The following KCNK12 variants were observed in gnomAD, a reference collection of about 807,000 sequenced individuals.
KCNK12 encodes potassium two pore domain channel subfamily K member 12, also known as potassium channel subfamily K member 12.
KCNK12 carries 6 observed loss-of-function variants against 25.3 expected under a neutral mutation model. The ratio of observed to expected loss-of-function variants is 0.24; its 90% CI spans 0.13 to 0.47. The LOEUF (loss-of-function observed/expected upper bound fraction) is 0.47, where lower values mean the gene tolerates loss of function less well. Among genes scored for constraint, KCNK12 ranks in the 20% least tolerant of loss-of-function variants. The pLI is 0.99. For missense variants in KCNK12, 444 were observed against 661.7 expected (o/e 0.67, Z 3.61); for synonymous variants, 331 against 311.1 (o/e 1.06, Z -0.67).
chr2:47,524,012 GTC>G (rs1220895635), intron 1 of KCNK12, among the ~76,000 whole-genome samples: 2 of 152,320 alleles, frequency 1.3e-5, no homozygotes, highest in Admixed American at 1.3e-4. Context: ...TTTCTAGACT[GTC>G]TGAAGGAAAT....
intron 1 of KCNK12, among the ~76,000 whole-genome samples, chr2:47,567,936 G>A (rs1164356383): frequency 6.6e-6 from 1 of 152,198 alleles, no homozygotes; most frequent in Non-Finnish European, 1.5e-5. Context: ...TGAAAGAGAA[G>A]CTTTAGAAGC....
Position 47,538,560 on chromosome 2 carries a change from C to G in KCNK12, c.392-16752G>C, listed in dbSNP as rs1039696658. Among the ~76,000 whole-genome samples, 3 of 152,152 alleles carry G rather than the reference C, an allele frequency of 2.0e-5. No homozygotes were observed. The highest frequency in any genetic ancestry group is 1.5e-5 in the Non-Finnish European group (1 of 68,034). On this transcript the variant is annotated intron_variant, in intron 1 of 1. Transcript: ENST00000327876. The surrounding 1 kb of genome is among the most constrained non-coding windows in gnomAD (Gnocchi z 4.5). ...CTGAGACAGGTGGATCACTTGAGGT[C>G]AGGAGTTTGAGACCAGCCTGGCCAA...
intron 1 of KCNK12, among the ~76,000 whole-genome samples, chr2:47,539,870 C>T (rs941915127): frequency 3.9e-5 from 6 of 152,186 alleles, no homozygotes; most frequent in African/African-American, 7.2e-5. Context: ...TCAGACACTG[C>T]GTTTTCTTTA....
intron 1 of KCNK12, among the ~76,000 whole-genome samples, chr2:47,522,330 GCTT>G (rs1436039353): frequency 4.6e-5 from 7 of 152,136 alleles, no homozygotes; most frequent in African/African-American, 1.7e-4. Context: ...AAGATATCTA[GCTT>G]CTTATGTGCT....
In KCNK12 at chr2:47,529,732, G is replaced by A. The variant is rs191991812; in HGVS notation, c.392-7924C>T. ...AGAGAAACCATGGGAAGGCTGAGGC[G>A]TGGACTCAGTGGGCAGGGATGGAAA... On this transcript the variant is annotated intron_variant, in intron 1 of 1. Coordinates refer to ENST00000327876, the MANE Select transcript of KCNK12 (RefSeq NM_022055.2). This position sits in a 1 kb window ranked among gnomAD's most constrained non-coding sequence, Gnocchi z 4.3. Among the ~76,000 whole-genome samples, 28 of 152,314 alleles carry A rather than the reference G, an allele frequency of 1.8e-4. No homozygotes were observed. The highest frequency in any genetic ancestry group is 7.7e-4 in the East Asian group (4 of 5,186).
Position 47,569,788 on chromosome 2 carries a change from G to A in KCNK12, c.391+153C>T, listed in dbSNP as rs1669851219. On this transcript the variant is annotated intron_variant, in intron 1 of 1. Coordinates refer to ENST00000327876, the MANE Select transcript of KCNK12 (RefSeq NM_022055.2). The surrounding 1 kb of genome is among the most constrained non-coding windows in gnomAD (Gnocchi z 4.1). ...GGAGGGAGAGAGAGAGAGAGAACGG[G>A]GGCCGGCGGAGAAGAGGGCGAGACG... Among the ~76,000 whole-genome samples the A allele has an allele frequency of 6.6e-6, 1 of 152,206 alleles. No homozygotes were observed. The highest frequency in any genetic ancestry group is 2.4e-5 in the African/African-American group (1 of 41,448).
rs1669157626 is a variant in KCNK12 at position 47,539,839 on chromosome 2, G to C, written c.392-18031C>G. ...GGACATCCACAGCTGAAGTGCTCAG[G>C]ACCATCCACAGCTGAAGTGCTCAGA... On this transcript the variant is annotated intron_variant, in intron 1 of 1. Transcript: ENST00000327876. 2.0e-5 allele frequency among the ~76,000 whole-genome samples: 3 copies of C among 150,910 alleles called. No homozygotes were observed. In the South Asian group the frequency reaches 6.2e-4, roughly 31 times the overall value.
At chr2:47,532,888 G>C (rs994667425) in intron 1 of KCNK12, among the ~76,000 whole-genome samples, 2 of 152,248 alleles carry the variant, frequency 1.3e-5, no homozygotes, top group African/African-American at 4.8e-5. Flanking sequence ...AGCAGAACTA[G>C]GAACAGGGAC....
intron 1 of KCNK12, among the ~76,000 whole-genome samples, chr2:47,531,211 A>G (rs1241154938): frequency 1.3e-5 from 2 of 152,130 alleles, no homozygotes; most frequent in Admixed American, 6.6e-5. Context: ...GGTGGCTCAC[A>G]CCTGTAATCC....
chr2:47,521,555 G>T lies in KCNK12; in HGVS notation c.645C>A (p.His215Gln). 1 of 1,559,924 alleles carries T rather than the reference G, an allele frequency of 6.4e-7. No individual in the cohort carries two copies. The highest frequency in any genetic ancestry group is 8.7e-7 in the Non-Finnish European group (1 of 1,152,024). ...CGAACAGGCCCAGGATGAGCAGCAC[G>T]TGGTACACCGAGGGCTTCCAGCCCG... ...SLAGWKPSVYHVLLILGLFAV... is the reference protein window; with the variant it reads ...SLAGWKPSVYQVLLILGLFAV... The change falls in exon 2 of 2, where the codon CAC becomes CAA. Residue 215 changes from histidine to glutamine, a missense_variant. Physicochemically the swap from His to Gln is conservative, Grantham distance 24. Around this residue, in one of 8 missense-constraint regions of KCNK12, gnomAD observed 56 missense variants for 135.7 expected, o/e 0.41. Coordinates refer to ENST00000327876, the MANE Select transcript of KCNK12 (RefSeq NM_022055.2).
At chr2:47,559,203 G>A (rs934084517) in intron 1 of KCNK12, among the ~76,000 whole-genome samples, 14 of 152,318 alleles carry the variant, frequency 9.2e-5, no homozygotes, top group East Asian at 7.7e-4. Context: ...CCATGGAAAC[G>A]CACTGCCAGG....
rs1668447079 is a variant in KCNK12 at position 47,513,294 on chromosome 2, T to G, written c.*7613A>C. 1.3e-5 allele frequency: 2 copies of G among 152,230 alleles called. No homozygotes were observed. Among genetic ancestry groups the G allele is most frequent in the Admixed American group, 1.3e-4 (2 of 15,286 alleles). 9.4% of individuals were successfully genotyped at this position (152,230 alleles called of 1,614,324 possible). ...TGCTTCTGCCAAGGTCACTGATATT[T>G]CCCTTTGCTAAATCTTGTGGGTGTT... On this transcript the variant is annotated 3_prime_UTR_variant, in exon 2 of 2. Coordinates refer to ENST00000327876, the MANE Select transcript of KCNK12 (RefSeq NM_022055.2).
rs189582766 is a variant in KCNK12, at chr2:47,562,411, A to G, written c.391+7530T>C. On this transcript the variant is annotated intron_variant, in intron 1 of 1. Coordinates refer to ENST00000327876, the MANE Select transcript of KCNK12 (RefSeq NM_022055.2). The surrounding 1 kb of genome is among the most constrained non-coding windows in gnomAD (Gnocchi z 4.8). ...GATGGAGGAGAAACCCCAGGGCTCAATTTTTCTAAGGGCCCAGGCACACCA... is the reference window on the plus strand; with the variant it reads ...GATGGAGGAGAAACCCCAGGGCTCAGTTTTTCTAAGGGCCCAGGCACACCA... 11 of 309,432 alleles carry G rather than the reference A, an allele frequency of 3.6e-5. No homozygotes were observed. In the East Asian group the frequency reaches 4.7e-4, roughly 13 times the overall value. The allele number at this position is 309,432 out of a possible 1,614,324, so 19.2% of individuals were successfully genotyped here.
At chr2:47,539,890 GGCTGTGTGACTTGC>G (rs1322988555) in intron 1 of KCNK12, among the ~76,000 whole-genome samples, 1 of 152,212 alleles carries the variant, frequency 6.6e-6, no homozygotes, top group Non-Finnish European at 1.5e-5. Context: ...ATCTCAGAGA[GGCTGTGTGACTTGC>G]CCACGTATGA....
chr2:47,569,663 G>C lies in KCNK12; in HGVS notation c.391+278C>G, dbSNP rs1558568762. 1.3e-5 allele frequency among the ~76,000 whole-genome samples: 2 copies of C among 152,154 alleles called. No individual in the cohort carries two copies. The highest frequency in any genetic ancestry group is 1.3e-4 in the Admixed American group (2 of 15,290). ...GGCACGTATTCTTAGAGGAGAAAACGGAGGCTCACAAAGGTCAGATCACAG... is the reference window on the plus strand; with the variant it reads ...GGCACGTATTCTTAGAGGAGAAAACCGAGGCTCACAAAGGTCAGATCACAG... On this transcript the variant is annotated intron_variant, in intron 1 of 1. Transcript: ENST00000327876. The surrounding 1 kb of genome is among the most constrained non-coding windows in gnomAD (Gnocchi z 4.1).
At position 47,519,237 on chromosome 2, in the gene KCNK12, T is replaced by C. The variant is rs181481323; in HGVS notation, c.*1670A>G. Reference sequence around the variant, plus strand: ...TAAGCTTTCCCTTCCTGCCATGAACTAGAAGGGGAAAGAAGAGTTTGACAT... The same window carrying C: ...TAAGCTTTCCCTTCCTGCCATGAACCAGAAGGGGAAAGAAGAGTTTGACAT... On this transcript the variant is annotated 3_prime_UTR_variant, in exon 2 of 2. Transcript: ENST00000327876. The C allele has an allele frequency of 7.0e-4, 107 of 152,332 alleles. No homozygotes were observed. Among genetic ancestry groups the C allele is most frequent in the African/African-American group, 2.4e-3 (100 of 41,570 alleles). 9.4% of individuals were successfully genotyped at this position (152,332 alleles called of 1,614,324 possible).
At chr2:47,526,361 G>A (rs58958853) in intron 1 of KCNK12, among the ~76,000 whole-genome samples, 5,401 of 149,262 alleles carry the variant, frequency 0.036, 386 homozygotes, top group African/African-American at 0.13. Flanking sequence ...AGCCGAGATT[G>A]CGCCACTGCA....
rs955131262 is a variant in KCNK12 at position 47,555,289 on chromosome 2, A to G, written c.391+14652T>C. Among the ~76,000 whole-genome samples the G allele has an allele frequency of 2.0e-5, 3 of 152,200 alleles. No homozygotes were observed. Among genetic ancestry groups the G allele is most frequent in the Non-Finnish European group, 1.5e-5 (1 of 68,032 alleles). On this transcript the variant is annotated intron_variant, in intron 1 of 1. Coordinates refer to ENST00000327876, the MANE Select transcript of KCNK12 (RefSeq NM_022055.2). This position sits in a 1 kb window ranked among gnomAD's most constrained non-coding sequence, Gnocchi z 4.5. ...CAAGGATTGTTTTGAGCTGCAGGCA[A>G]TTTGGAAGCAGCAGATGCAAAGAAA...
At chr2:47,567,193 T>C (rs1279491674) in intron 1 of KCNK12, 2 of 152,228 alleles carry the variant, frequency 1.3e-5, no homozygotes, top group Non-Finnish European at 2.9e-5. Flanking sequence ...TCAAATCATT[T>C]TGTTCCCCTG....
Sources: allele counts gnomAD v4.1 joint callset (sites outside exome capture counted in the v4.1 genomes callset), GRCh38; gene constraint gnomAD v4.1.1; regional missense constraint gnomAD v4.1.1; non-coding constraint Gnocchi (gnomAD v3.1); transcripts MANE v1.5; gene names NCBI Gene and HGNC (gene_info 2026-07-23, HGNC 2026-07-21).